Variants in ZNF831 observed in about 807,000 individuals in gnomAD.
The protein encoded by ZNF831 is chromosome 20 open reading frame 174.
A neutral mutation model predicts 95.8 loss-of-function variants in ZNF831; 59 were observed. The observed-to-expected ratio is 0.62, with a 90% CI of 0.50 to 0.77. The LOEUF (loss-of-function observed/expected upper bound fraction) is 0.77. Ranked by LOEUF, ZNF831 falls within the 30% of genes least tolerant of loss-of-function variation. ZNF831 has a pLI of 0.00. For missense variants in ZNF831, 2,205 were observed against 2,164.0 expected (o/e 1.02, Z -0.38); for synonymous variants, 961 against 925.5 (o/e 1.04, Z -0.70).
At chr20:59,212,565 T>C (rs945371470) in intron 4 of ZNF831, among the ~76,000 whole-genome samples, 8 of 152,210 alleles carry the variant, frequency 5.3e-5, no homozygotes, top group African/African-American at 1.7e-4. Flanking sequence ...AAGAACATCC[T>C]TCCTCATTGC....
At chr20:59,167,030 T>G (rs1381991772) in intron 1 of ZNF831, among the ~76,000 whole-genome samples, 1 of 152,230 alleles carries the variant, frequency 6.6e-6, no homozygotes, top group Non-Finnish European at 1.5e-5. Flanking sequence ...CTGTGCCACT[T>G]CACATCCACA....
At position 59,194,184 on chromosome 20, in the gene ZNF831, G is replaced by A. The variant is rs770640573; in HGVS notation, c.3165G>A (p.Pro1055=). ...PGAPREATSS[P]PTPTCEAHLV... The stretch of plus-strand genomic sequence containing the variant: ...CTCCCAGGGAGGCTACCTCCTCCCC[G>A]CCCACTCCAACGTGTGAGGCACACT... The change falls in exon 2 of 6, where the codon CCG becomes CCA. Residue 1055 remains proline (P), a synonymous_variant. Transcript: ENST00000371030. 5.6e-6 allele frequency: 9 copies of A among 1,600,844 alleles called. No individual in the cohort carries two copies. The highest frequency in any genetic ancestry group is 2.2e-5 in the East Asian group (1 of 44,740).
At chr20:59,242,964 A>G (rs1046906608) in intron 4 of ZNF831, among the ~76,000 whole-genome samples, 2 of 152,214 alleles carry the variant, frequency 1.3e-5, no homozygotes, top group Admixed American at 6.5e-5. Flanking sequence ...CATTTACCAC[A>G]ATACCAATCA....
intron 1 of ZNF831, among the ~76,000 whole-genome samples, chr20:59,174,181 C>A (rs546170636): frequency 2.0e-5 from 3 of 152,082 alleles, no homozygotes; most frequent in African/African-American, 7.2e-5. Context: ...GCAGAGGAAA[C>A]GGCCACTGTG....
At position 59,193,807 on chromosome 20, in the gene ZNF831, T is replaced by C. The variant is rs1183338385; in HGVS notation, c.2788T>C (p.Ser930Pro). Residue 930 changes from serine to proline, a missense_variant, in exon 2 of 6, where the codon TCT (serine) becomes CCT (proline). Transcript: ENST00000371030. ...ATPPQAPRVL[S>P]ALADNAFSPK... ...CCCACCTCAGGCTCCTAGAGTGCTC[T>C]CTGCCCTGGCAGATAATGCCTTTTC... 1.9e-6 allele frequency: 3 copies of C among 1,612,100 alleles called. No individual in the cohort carries two copies. The Admixed American group carries it at 5.0e-5, about 27-fold the overall frequency.
intron 4 of ZNF831, among the ~76,000 whole-genome samples, chr20:59,243,353 C>G (rs571091309): frequency 1.1e-4 from 17 of 152,278 alleles, no homozygotes; most frequent in African/African-American, 4.1e-4. Flanking sequence ...AAAGGTTTAC[C>G]TAATCACGTT....
At position 59,191,139 on chromosome 20, in the gene ZNF831, C is replaced by T. The variant is rs1369867101; in HGVS notation, c.120C>T (p.Val40=). 3 of 1,600,518 alleles carry T rather than the reference C, an allele frequency of 1.9e-6. No homozygotes were observed. The highest frequency in any genetic ancestry group is 8.5e-7 in the Non-Finnish European group (1 of 1,177,852). Residue 40 remains valine, a synonymous_variant, in exon 2 of 6, where the codon GTC becomes GTT. Transcript: ENST00000371030. The part of the protein sequence containing the change: ...QASPHLTLGP[V]LLPPEQGLAP... ...CACCTCACCTGACCCTGGGCCCTGT[C>T]CTTCTGCCGCCAGAGCAGGGCCTGG...
Position 59,208,095 on chromosome 20 carries a change from G to T in ZNF831, c.4027+1039G>T, listed in dbSNP as rs1198722301. ...ATTCATCTTACAGTTGGGGCCAGTT[G>T]TTGAAGAAGAAAGGTTGTTTTTGTT... On this transcript the variant is annotated intron_variant, in intron 4 of 5. Transcript: ENST00000371030. This position sits in a 1 kb window ranked among gnomAD's most constrained non-coding sequence, Gnocchi z 4.2. 6.6e-6 allele frequency among the ~76,000 whole-genome samples: 1 copy of T among 152,272 alleles called. No homozygotes were observed. The highest frequency in any genetic ancestry group is 1.5e-5 in the Non-Finnish European group (1 of 68,050).
Position 59,192,711 on chromosome 20 carries a change from G to A in ZNF831, c.1692G>A (p.Gln564=), listed in dbSNP as rs2146570249. Reference sequence around the variant, plus strand: ...GGCATCCCCGGGCCCTGGTCAGACAGGCCGCGGTGGAGGACCTGCCAGGCA... The same window carrying A: ...GGCATCCCCGGGCCCTGGTCAGACAAGCCGCGGTGGAGGACCTGCCAGGCA... ...PSGHPRALVR[Q]AAVEDLPGTP... Residue 564 remains glutamine, a synonymous_variant, in exon 2 of 6, where the codon CAG becomes CAA. Transcript: ENST00000371030. This position sits in a 1 kb window ranked among gnomAD's most constrained non-coding sequence, Gnocchi z 5.2. The A allele has an allele frequency of 6.3e-7, 1 of 1,599,782 alleles. No homozygotes were observed. Among genetic ancestry groups the A allele is most frequent in the Non-Finnish European group, 8.5e-7 (1 of 1,174,200 alleles).
intron 1 of ZNF831, among the ~76,000 whole-genome samples, chr20:59,183,835 T>A (rs1451491373): frequency 6.6e-6 from 1 of 152,224 alleles, no homozygotes; most frequent in Non-Finnish European, 1.5e-5. Context: ...CTGTTTTCCC[T>A]GTTGTGAGCA....
At chr20:59,239,906 A>G (rs1243221875) in intron 4 of ZNF831, among the ~76,000 whole-genome samples, 1 of 152,214 alleles carries the variant, frequency 6.6e-6, no homozygotes, top group Non-Finnish European at 1.5e-5. Context: ...GGGGCAGCAC[A>G]GTCTTACTTC....
chr20:59,227,617 A>G (rs1986500848), intron 4 of ZNF831, among the ~76,000 whole-genome samples: 1 of 152,218 alleles, frequency 6.6e-6, no homozygotes, highest in South Asian at 2.1e-4. Flanking sequence ...ATTTGTTTTA[A>G]CTTTCATTGT....
Position 59,236,513 on chromosome 20 carries a change from G to A in ZNF831, c.4028-16465G>A, listed in dbSNP as rs188563190. Among the ~76,000 whole-genome samples, 517 of 150,386 alleles carry A rather than the reference G, an allele frequency of 3.4e-3. 2 individuals carry two copies. The highest frequency in any genetic ancestry group is 4.3e-3 in the Non-Finnish European group (291 of 67,762). On this transcript the variant is annotated intron_variant, in intron 4 of 5. Coordinates refer to ENST00000371030, the MANE Select transcript of ZNF831 (RefSeq NM_178457.3). ...ACTGTGTTGCCCACTCTGGAGTGCA[G>A]TGGTGCAGTCTATAGGCATGCACCA...
rs575210641 is a variant in ZNF831 at position 59,191,171 on chromosome 20, C to A, written c.152C>A (p.Pro51His). 3.1e-6 allele frequency: 5 copies of A among 1,601,876 alleles called. No individual in the cohort carries two copies. Among genetic ancestry groups the A allele is most frequent in the East Asian group, 4.5e-5 (2 of 44,828 alleles). The stretch of plus-strand genomic sequence containing the variant: ...CCGCCAGAGCAGGGCCTGGCCCCCC[C>A]CACTGTGTTCCTGAAGGCCCTGCCC... ...LLPPEQGLAP[P>H]TVFLKALPIP... is the part of the protein sequence containing the mutation. Residue 51 changes from proline to histidine, a missense_variant, in exon 2 of 6, where the codon CCC (proline) becomes CAC (histidine). Pro to His is a moderately conservative substitution (Grantham distance 77). Coordinates refer to ENST00000371030, the MANE Select transcript of ZNF831 (RefSeq NM_178457.3).
At chr20:59,250,091 C>A (rs1205014211) in intron 4 of ZNF831, among the ~76,000 whole-genome samples, 1 of 152,222 alleles carries the variant, frequency 6.6e-6, no homozygotes, top group Non-Finnish European at 1.5e-5. Flanking sequence ...AATCAGACTT[C>A]ATTCCCACTC....
chr20:59,145,692 C>T (rs1979823042), intron 1 of ZNF831, among the ~76,000 whole-genome samples: 1 of 152,216 alleles, frequency 6.6e-6, no homozygotes, highest in Admixed American at 6.5e-5. Flanking sequence ...TGGTGGCTCT[C>T]AGTGGCTGGA....
At position 59,193,076 on chromosome 20, in the gene ZNF831, C is replaced by T. The variant is rs1373690644; in HGVS notation, c.2057C>T (p.Ala686Val). The T allele has an allele frequency of 1.3e-6, 2 of 1,594,470 alleles. No homozygotes were observed. The highest frequency in any genetic ancestry group is 1.7e-6 in the Non-Finnish European group (2 of 1,170,598). ...RRTPVHEDIS[A>V]GATPEPWGNP... Reference sequence around the variant, plus strand: ...ACCCCTGTCCATGAGGACATATCCGCAGGGGCAACGCCAGAGCCTTGGGGA... The same window carrying T: ...ACCCCTGTCCATGAGGACATATCCGTAGGGGCAACGCCAGAGCCTTGGGGA... The change falls in exon 2 of 6, where the codon GCA becomes GTA. Residue 686 changes from alanine (A) to valine (V), a missense_variant. By Grantham distance (64) the Ala-to-Val change is moderately conservative (BLOSUM62 0). Coordinates refer to ENST00000371030, the MANE Select transcript of ZNF831 (RefSeq NM_178457.3).
intron 4 of ZNF831, among the ~76,000 whole-genome samples, chr20:59,232,786 G>C (rs1986795180): frequency 1.3e-5 from 2 of 152,270 alleles, no homozygotes; most frequent in Middle Eastern, 3.4e-3. Flanking sequence ...AGTGGGAGAT[G>C]AGCCACGGAC....
At position 59,208,559 on chromosome 20, in the gene ZNF831, T is replaced by A. The variant is rs1254398515; in HGVS notation, c.4027+1503T>A. 6.6e-6 allele frequency among the ~76,000 whole-genome samples: 1 copy of A among 152,136 alleles called. No homozygotes were observed. Among genetic ancestry groups the A allele is most frequent in the Non-Finnish European group, 1.5e-5 (1 of 68,026 alleles). On this transcript the variant is annotated intron_variant, in intron 4 of 5. Coordinates refer to ENST00000371030, the MANE Select transcript of ZNF831 (RefSeq NM_178457.3). The surrounding 1 kb of genome is among the most constrained non-coding windows in gnomAD (Gnocchi z 4.2). ...AGGTCCAGCCCAGCACCCTCTGAAG[T>A]GCCAACTCAGGGTACCTGGGAATTG...
Sources: gnomAD v4.1 joint callset for allele counts (sites outside exome capture counted in the v4.1 genomes callset) on GRCh38, gnomAD v4.1.1 for gene constraint, Gnocchi (gnomAD v3.1) non-coding constraint, MANE v1.5 for transcripts, NCBI Gene and HGNC (gene_info 2026-07-23, HGNC 2026-07-21) for gene names.